The following CABYR variants were observed in gnomAD, a reference collection of about 807,000 sequenced individuals.
The protein encoded by CABYR is calcium-binding tyrosine phosphorylation-regulated protein.
A neutral mutation model predicts 36.1 loss-of-function variants in CABYR; 31 were observed. The ratio of observed to expected loss-of-function variants is 0.86; its 90% CI spans 0.64 to 1.16. The LOEUF (loss-of-function observed/expected upper bound fraction) is 1.16. CABYR is among the 50% of genes most tolerant of loss of function. The pLI, the probability that CABYR is intolerant of heterozygous loss-of-function variation, is 0.00. For missense variants in CABYR, 429 were observed against 455.8 expected (o/e 0.94, Z 0.53); for synonymous variants, 146 against 160.7 (o/e 0.91, Z 0.69).
chr18:24,159,956 TA>T lies in CABYR; in HGVS notation c.1033del (p.Ser345ValfsTer20), dbSNP rs769746557. On this transcript the variant is annotated frameshift_variant, in exon 5 of 6. Coordinates refer to ENST00000399496, the MANE Select transcript of CABYR (RefSeq NM_153769.3). LOFTEE classifies it high-confidence loss of function. ...TTGCTTTCCCAGTAGAAGATGTAGC[TA>T]AAAAAAGTTCAGGATCTGGTGACAA... ...SVAFPVEDVAKKSSGSGDKCA... is the reference protein window; with the variant it reads ...SVAFPVEDVAXKSSGSGDKCA... 3.7e-6 allele frequency: 6 copies of T among 1,614,048 alleles called. No individual in the cohort carries two copies. Among genetic ancestry groups the T allele is most frequent in the Admixed American group, 3.3e-5 (2 of 60,002 alleles).
chr18:24,140,251 C>T (rs1041830327), intron 1 of CABYR: 1 of 152,122 alleles, frequency 6.6e-6, no homozygotes, highest in African/African-American at 2.4e-5. Flanking sequence ...TCAAAACGGT[C>T]TATCTACTCA....
Position 24,143,084 on chromosome 18 carries a change from A to G in CABYR, c.-24-7A>G. On this transcript the variant is annotated splice_region_variant and splice_polypyrimidine_tract_variant and intron_variant, in intron 1 of 5. Coordinates refer to ENST00000399496, the MANE Select transcript of CABYR (RefSeq NM_153769.3). ...TAATTACTTCTAAGACTTTTTCTTC[A>G]TTCTAGTTGAGTTACAGACATCCTG... The G allele has an allele frequency of 2.0e-6, 3 of 1,536,472 alleles. No individual in the cohort carries two copies. The highest frequency in any genetic ancestry group is 2.5e-5 in the South Asian group (2 of 79,334).
chr18:24,141,666 G>A (rs1170104165), intron 1 of CABYR, among the ~76,000 whole-genome samples: 2 of 152,048 alleles, frequency 1.3e-5, no homozygotes, highest in Admixed American at 6.5e-5. Context: ...GTTTTCCTAG[G>A]GATTTTCTTA....
Position 24,159,456 on chromosome 18 carries a change from A to C in CABYR, c.542-16A>C, listed in dbSNP as rs1237514564. On this transcript the variant is annotated splice_polypyrimidine_tract_variant and intron_variant, in intron 4 of 5. Transcript: ENST00000399496. ...AGAGACCAAAACTTTAATTCCTGCA[A>C]AATTTTTTTTTATAGCAATGGCAAC... is the stretch of plus-strand genomic sequence containing the variant. 1 of 1,601,478 alleles carries C rather than the reference A, an allele frequency of 6.2e-7. No homozygotes were observed. The highest frequency in any genetic ancestry group is 1.1e-5 in the South Asian group (1 of 89,874).
At chr18:24,149,494 T>C (rs1395024749) in intron 3 of CABYR, among the ~76,000 whole-genome samples, 1 of 152,230 alleles carries the variant, frequency 6.6e-6, no homozygotes, top group African/African-American at 2.4e-5. Context: ...CTTCACCCAG[T>C]GGATCCTGCA....
intron 3 of CABYR, among the ~76,000 whole-genome samples, chr18:24,151,528 A>G (rs1466071332): frequency 6.6e-6 from 1 of 152,232 alleles, no homozygotes; most frequent in Admixed American, 6.5e-5. Flanking sequence ...AGCTAACCTT[A>G]AAACATTAGA....
Position 24,159,957 on chromosome 18 carries a change from A to T in CABYR, c.1027A>T (p.Lys343Ter). 3.1e-6 allele frequency: 5 copies of T among 1,614,082 alleles called. No homozygotes were observed. Among genetic ancestry groups the T allele is most frequent in the Non-Finnish European group, 4.2e-6 (5 of 1,179,994 alleles). ...SVAFPVEDVA[K>*]KSSGSGDKCA... ...TGCTTTCCCAGTAGAAGATGTAGCTAAAAAAAGTTCAGGATCTGGTGACAA... is the reference window on the plus strand; with the variant it reads ...TGCTTTCCCAGTAGAAGATGTAGCTTAAAAAAGTTCAGGATCTGGTGACAA... The change falls in exon 5 of 6, where the codon AAA becomes TAA. Residue 343 changes from lysine (K) to a stop codon, truncating the protein, a stop_gained. Transcript: ENST00000399496. LOFTEE classifies it high-confidence loss of function.
At chr18:24,151,506 G>C (rs1170210327) in intron 3 of CABYR, among the ~76,000 whole-genome samples, 1 of 152,154 alleles carries the variant, frequency 6.6e-6, no homozygotes, top group African/African-American at 2.4e-5. Context: ...AGCGACTGTT[G>C]TAAGTATTTA....
Position 24,155,913 on chromosome 18 carries a change from G to T in CABYR, c.412G>T (p.Gly138Cys). The T allele has an allele frequency of 1.9e-6, 3 of 1,614,154 alleles. No individual in the cohort carries two copies. The highest frequency in any genetic ancestry group is 2.5e-6 in the Non-Finnish European group (3 of 1,180,036). The part of the protein sequence containing the change: ...VPGTEQTEAV[G>C]GLSSKPATPK... Reference sequence around the variant, plus strand: ...AGGCACTGAGCAAACGGAAGCAGTTGGTGGTCTTTCTTCCAAACCAGCCAC... The same window carrying T: ...AGGCACTGAGCAAACGGAAGCAGTTTGTGGTCTTTCTTCCAAACCAGCCAC... Residue 138 changes from glycine (G) to cysteine (C), a missense_variant, in exon 4 of 6, where the codon GGT becomes TGT. By Grantham distance (159) the Gly-to-Cys change is radical (BLOSUM62 -3). Coordinates refer to ENST00000399496, the MANE Select transcript of CABYR (RefSeq NM_153769.3).
chr18:24,160,526 T>C (rs2085933409), intron 5 of CABYR, among the ~76,000 whole-genome samples: 1 of 151,934 alleles, frequency 6.6e-6, no homozygotes, highest in African/African-American at 2.4e-5. Context: ...GATGGAGAGG[T>C]GAGAGGCAGA....
Position 24,159,579 on chromosome 18 carries a change from C to T in CABYR, c.649C>T (p.Pro217Ser), listed in dbSNP as rs1435489930. ...AGGTCACCCATCACCGCCACCTGCA[C>T]CTGGGCCTTTTCCCCAAGCAACCCT... is the stretch of plus-strand genomic sequence containing the variant. ...QQGHPSPPPA[P>S]GPFPQATLYL... The change falls in exon 5 of 6, where the codon CCT (proline) becomes TCT (serine). Residue 217 changes from proline (P) to serine (S), a missense_variant. Pro to Ser is a moderately conservative substitution (Grantham distance 74, BLOSUM62 -1). Transcript: ENST00000399496. The T allele has an allele frequency of 1.9e-6, 3 of 1,613,980 alleles. No individual in the cohort carries two copies. Among genetic ancestry groups the T allele is most frequent in the Admixed American group, 1.7e-5 (1 of 59,992 alleles).
At chr18:24,155,315 G>GCTA (rs750083074) in intron 3 of CABYR, among the ~76,000 whole-genome samples, 16 of 152,150 alleles carry the variant, frequency 1.1e-4, no homozygotes, top group Admixed American at 2.6e-4. Flanking sequence ...TATTAGTCTT[G>GCTA]CTACTGCGCT....
chr18:24,156,367 CA>C, intron 4 of CABYR: 4 of 1,614,192 alleles, frequency 2.5e-6, no homozygotes, highest in Non-Finnish European at 3.4e-6. Context: ...GAGGTTATGT[CA>C]ACTGTTCATA....
chr18:24,148,593 C>G (rs2085516964), intron 3 of CABYR: 1 of 158,728 alleles, frequency 6.3e-6, no homozygotes, highest in African/African-American at 2.4e-5. Context: ...CGCGGACCCT[C>G]ACGGTGAGTT....
chr18:24,141,825 A>G (rs967413115), intron 1 of CABYR, among the ~76,000 whole-genome samples: 10 of 152,202 alleles, frequency 6.6e-5, no homozygotes, highest in Non-Finnish European at 2.9e-5. Flanking sequence ...TAAAAGGCAG[A>G]AAGGCAGAAG....
intron 3 of CABYR, chr18:24,150,553 T>A (rs1323768879): frequency 2.0e-6 from 2 of 981,828 alleles, no homozygotes; most frequent in Non-Finnish European, 2.4e-6. Context: ...GCAACTAATG[T>A]TTGTTGAATG....
intron 3 of CABYR, among the ~76,000 whole-genome samples, chr18:24,149,736 C>G: frequency 6.6e-6 from 1 of 152,262 alleles, no homozygotes; most frequent in East Asian, 1.9e-4. Context: ...AAATCAAGCA[C>G]AGCGCCGGTG....
intron 3 of CABYR, chr18:24,150,518 G>C: frequency 1.2e-6 from 1 of 823,750 alleles, no homozygotes; most frequent in Non-Finnish European, 1.5e-6. Context: ...TCTTTAGGAA[G>C]TCTTATTCCT....
intron 3 of CABYR, among the ~76,000 whole-genome samples, chr18:24,144,556 C>G (rs8091619): frequency 1.3e-5 from 2 of 152,200 alleles, no homozygotes; most frequent in Non-Finnish European, 2.9e-5. Context: ...ACTTGAGCCC[C>G]GGAGTCCAAG....
Sources: gnomAD v4.1 joint callset for allele counts (sites outside exome capture counted in the v4.1 genomes callset) on GRCh38, gnomAD v4.1.1 for gene constraint, MANE v1.5 for transcripts, NCBI Gene and HGNC (gene_info 2026-07-23, HGNC 2026-07-21) for gene names.